MAGI2: variants seen among roughly 807,000 people sequenced by gnomAD.
MAGI2 encodes membrane associated guanylate kinase, WW and PDZ domain containing 2.
Under a neutral mutation model 133.3 loss-of-function variants are expected in MAGI2, and 35 were observed. That is an observed-to-expected ratio of 0.26 (90% CI 0.20 to 0.35). The LOEUF is 0.35. Ranked by LOEUF, MAGI2 falls within the 10% of genes least tolerant of loss-of-function variation. The pLI, the probability that MAGI2 is intolerant of heterozygous loss-of-function variation, is 1.00. For missense variants in MAGI2, 1,636 were observed against 1,863.4 expected, an observed-to-expected ratio of 0.88 and a Z score of 2.25; for synonymous variants, 729 against 710.6, an observed-to-expected ratio of 1.03 and a Z score of -0.41.
intron 10 of MAGI2, among the ~76,000 whole-genome samples, chr7:78,219,954 T>A (rs1788644193): frequency 6.6e-6 from 1 of 152,234 alleles, no homozygotes; most frequent in South Asian, 2.1e-4. Context: ...GCTAGAGGAA[T>A]CTTTGTAAGG....
At chr7:79,395,109 C>T (rs1401096729) in intron 1 of MAGI2, among the ~76,000 whole-genome samples, 2 of 152,056 alleles carry the variant, frequency 1.3e-5, no homozygotes, top group East Asian at 3.9e-4. Flanking sequence ...GGCCCAGCTT[C>T]TTTTAATGGG....
At chr7:78,065,406 C>T (rs1813712934) in intron 21 of MAGI2, among the ~76,000 whole-genome samples, 1 of 152,138 alleles carries the variant, frequency 6.6e-6, no homozygotes, top group Admixed American at 6.5e-5. Context: ...CATGAATCTG[C>T]AAATCTTATC....
At chr7:78,894,226 C>G (rs568086730) in intron 2 of MAGI2, among the ~76,000 whole-genome samples, 1 of 152,180 alleles carries the variant, frequency 6.6e-6, no homozygotes, top group South Asian at 2.1e-4. Flanking sequence ...ATAGTGAAAC[C>G]CTGTCTCCAC....
intron 3 of MAGI2, among the ~76,000 whole-genome samples, chr7:78,574,218 T>C (rs957345295): frequency 2.0e-5 from 3 of 152,096 alleles, no homozygotes; most frequent in Non-Finnish European, 4.4e-5. Context: ...TCCAAGATCC[T>C]GTGAAAAGGT....
intron 6 of MAGI2, among the ~76,000 whole-genome samples, chr7:78,387,656 G>A (rs1329770169): frequency 2.0e-5 from 3 of 152,164 alleles, no homozygotes; most frequent in Non-Finnish European, 4.4e-5. Flanking sequence ...ACCGGATGTA[G>A]TGTCTCACAC....
chr7:78,283,442 T>TCAAA, intron 9 of MAGI2, among the ~76,000 whole-genome samples: 1 of 152,244 alleles, frequency 6.6e-6, no homozygotes, highest in Middle Eastern at 3.4e-3. Context: ...TGATATTGTG[T>TCAAA]CAAACATATC....
At chr7:78,509,710 A>G (rs373765224) in intron 4 of MAGI2, among the ~76,000 whole-genome samples, 1 of 152,202 alleles carries the variant, frequency 6.6e-6, no homozygotes, top group African/African-American at 2.4e-5. Flanking sequence ...ATGGTTTTCA[A>G]CGTTCCCACC....
At chr7:79,032,482 C>A (rs1322171855) in intron 1 of MAGI2, among the ~76,000 whole-genome samples, 1 of 148,664 alleles carries the variant, frequency 6.7e-6, no homozygotes, top group Non-Finnish European at 1.5e-5. Flanking sequence ...TGCACCATTG[C>A]ACTCCAGCCT....
chr7:78,060,252 CCCT>C lies in MAGI2; in HGVS notation c.3706+18692_3706+18694del, dbSNP rs1018011662. Among the ~76,000 whole-genome samples, 113 of 115,880 alleles carry C rather than the reference CCCT, an allele frequency of 9.8e-4. 3 individuals are homozygous for C. The South Asian group carries it at 0.023, about 23-fold the overall frequency. 76.0% of individuals were successfully genotyped at this position (115,880 alleles called of 152,430 possible). On this transcript the variant is annotated intron_variant, in intron 21 of 21. Transcript: ENST00000354212. ...TTTAAAAAACAAAAGGGACCCCCCC[CCCT>C]CTTTAGATTAGATTGAGAGTGTCAG...
intron 2 of MAGI2, among the ~76,000 whole-genome samples, chr7:78,876,178 C>T (rs1191236665): frequency 6.6e-6 from 1 of 151,712 alleles, no homozygotes; most frequent in Non-Finnish European, 1.5e-5. Flanking sequence ...AAAAAATTAG[C>T]CAGGTGTGGT....
rs1277290118 is a variant in MAGI2 at position 78,627,215 on chromosome 7, C to T, written c.443G>A (p.Gly148Asp). The T allele has an allele frequency of 6.3e-7, 1 of 1,580,856 alleles. No individual in the cohort carries two copies. Among genetic ancestry groups the T allele is most frequent in the Admixed American group, 1.8e-5 (1 of 55,758 alleles). ...AATATAATCCACTCCAGGGACCTCA[C>T]CCTCCTTATGTGGCCTTGTGGTGCC... Reference protein sequence around the residue: ...VPCTTRPHKEGEVPGVDYIFI... With the variant: ...VPCTTRPHKEDEVPGVDYIFI... The change falls in exon 3 of 22, where the codon GGT becomes GAT. Residue 148 changes from glycine to aspartate, a missense_variant. Around this residue, in one of 5 missense-constraint regions of MAGI2, gnomAD observed 148 missense variants for 239.0 expected, o/e 0.62. Transcript: ENST00000354212.
chr7:78,135,179 A>G lies in MAGI2; in HGVS notation c.2873T>C (p.Ile958Thr), dbSNP rs1821982005. Residue 958 changes from isoleucine (I) to threonine (T), a missense_variant, in exon 17 of 22, where the codon ATT becomes ACT. Physicochemically the swap from Ile to Thr is moderately conservative, Grantham distance 89. This residue lies in a region of MAGI2 where 920 missense variants were observed against 1,093.5 expected (regional missense o/e 0.84). Transcript: ENST00000354212. Reference protein sequence around the residue: ...ITVPHKIGRIIDGSPADRCAK... With the variant: ...ITVPHKIGRITDGSPADRCAK... The stretch of plus-strand genomic sequence containing the variant: ...ACAGCGATCTGCAGGACTCCCATCA[A>G]TGATGCGTCCGATTTTATGGGGCAC... The G allele has an allele frequency of 1.2e-6, 2 of 1,614,162 alleles. No homozygotes were observed. Among genetic ancestry groups the G allele is most frequent in the Non-Finnish European group, 1.7e-6 (2 of 1,180,016 alleles).
chr7:78,448,783 G>A (rs1340016914), intron 6 of MAGI2, among the ~76,000 whole-genome samples: 3 of 151,978 alleles, frequency 2.0e-5, no homozygotes, highest in Non-Finnish European at 4.4e-5. Context: ...AACATACACA[G>A]ACACCCATAC....
chr7:78,682,836 C>T (rs1815837821), intron 2 of MAGI2, among the ~76,000 whole-genome samples: 1 of 152,100 alleles, frequency 6.6e-6, no homozygotes, highest in South Asian at 2.1e-4. Flanking sequence ...TTAAGGGTAA[C>T]TTTTCCTTTT....
intron 1 of MAGI2, among the ~76,000 whole-genome samples, chr7:79,085,788 C>T (rs1401912836): frequency 6.6e-6 from 1 of 151,846 alleles, no homozygotes; most frequent in Non-Finnish European, 1.5e-5. Context: ...TCGGCCAATG[C>T]TTGGACACAG....
intron 1 of MAGI2, among the ~76,000 whole-genome samples, chr7:79,115,535 A>G (rs887759681): frequency 1.3e-5 from 2 of 152,134 alleles, no homozygotes; most frequent in Non-Finnish European, 2.9e-5. Flanking sequence ...ATCTGCTCCT[A>G]TCTGGTGGCA....
intron 10 of MAGI2, among the ~76,000 whole-genome samples, chr7:78,241,209 T>C (rs1379600293): frequency 6.6e-6 from 1 of 152,020 alleles, no homozygotes; most frequent in Admixed American, 6.5e-5. Flanking sequence ...AAGTCTTTTT[T>C]TAAAAGATAA....
At chr7:78,274,323 AG>A (rs1269562216) in intron 9 of MAGI2, among the ~76,000 whole-genome samples, 5 of 152,090 alleles carry the variant, frequency 3.3e-5, no homozygotes, top group Admixed American at 3.3e-4. Context: ...TTCATCCCAG[AG>A]GGGCACCTGC....
At chr7:78,130,493 A>G (rs890376818) in intron 18 of MAGI2, among the ~76,000 whole-genome samples, 2 of 152,192 alleles carry the variant, frequency 1.3e-5, no homozygotes, top group African/African-American at 4.8e-5. Flanking sequence ...AGCCTGATCT[A>G]AAAAAATGGC....
Sources: allele counts gnomAD v4.1 joint callset (sites outside exome capture counted in the v4.1 genomes callset), GRCh38; gene constraint gnomAD v4.1.1; regional missense constraint gnomAD v4.1.1; transcripts MANE v1.5; gene names NCBI Gene and HGNC (gene_info 2026-07-23, HGNC 2026-07-21).